Variants in IL7 observed in about 807,000 individuals in gnomAD.
IL7 encodes interleukin 7.
IL7 carries 3 observed loss-of-function variants against 21.6 expected under a neutral mutation model. The ratio of observed to expected loss-of-function variants is 0.14; its 90% CI spans 0.06 to 0.36. IL7 has a LOEUF of 0.36. IL7 is among the 10% of genes least tolerant of loss of function. The pLI is 1.00. For missense variants in IL7, 175 were observed against 200.2 expected (o/e 0.87, Z 0.76); for synonymous variants, 62 against 68.1 (o/e 0.91, Z 0.44).
chr8:78,686,146 A>C lies in IL7; in HGVS notation n.215-199T>G, dbSNP rs147615466. Among the ~76,000 whole-genome samples, 118 of 152,296 alleles carry C rather than the reference A, an allele frequency of 7.7e-4. 1 individual carries two copies. The highest frequency in any genetic ancestry group is 2.7e-3 in the African/African-American group (114 of 41,572). On this transcript the variant is annotated intron_variant and non_coding_transcript_variant, in intron 3 of 4. Coordinates refer to the IL7 transcript ENST00000523959. ...CACCTCGTACTACTGTTATAATGGC[A>C]ATTACATTTTAACATGAGTTTTGGA...
At chr8:78,760,389 A>G in intron 2 of IL7, 1 of 1,608,148 alleles carries the variant, frequency 6.2e-7, no homozygotes, top group Non-Finnish European at 8.5e-7. Flanking sequence ...ACCTTCAGCA[A>G]TGCATACACA....
chr8:78,704,527 A>ACAT, intron 3 of IL7, among the ~76,000 whole-genome samples: 1 of 152,140 alleles, frequency 6.6e-6, no homozygotes, highest in East Asian at 1.9e-4. Context: ...GCTGCCTTTA[A>ACAT]CATTTCTTCT....
At chr8:78,721,368 A>G (rs887909285) in exon 4 of IL7, 2 of 152,080 alleles carry the variant, frequency 1.3e-5, no homozygotes, top group Admixed American at 6.6e-5. Flanking sequence ...AGAAAGGACA[A>G]TTTGCAGTGG....
intron 4 of IL7, among the ~76,000 whole-genome samples, chr8:78,681,294 A>G (rs1809768863): frequency 6.6e-6 from 1 of 152,196 alleles, no homozygotes; most frequent in Admixed American, 6.5e-5. Flanking sequence ...AGAAGCGATG[A>G]ATAATAGAAA....
chr8:78,697,288 C>A, intron 3 of IL7: 1 of 770,568 alleles, frequency 1.3e-6, no homozygotes, highest in Non-Finnish European at 2.0e-6. Flanking sequence ...ATTTCCACAA[C>A]TCTTTTCATC....
intron 2 of IL7, among the ~76,000 whole-genome samples, chr8:78,776,042 T>C (rs1389473152): frequency 6.6e-6 from 1 of 152,006 alleles, no homozygotes; most frequent in Non-Finnish European, 1.5e-5. Flanking sequence ...TTTCTTCCTA[T>C]GCATACATAC....
At chr8:78,801,516 G>A (rs867582420) in intron 1 of IL7, among the ~76,000 whole-genome samples, 13 of 151,864 alleles carry the variant, frequency 8.6e-5, no homozygotes, top group East Asian at 1.9e-4. Flanking sequence ...TGATCTTACC[G>A]TGAGCCATGG....
chr8:78,762,160 G>T, intron 2 of IL7: 2 of 1,594,388 alleles, frequency 1.3e-6, no homozygotes, highest in Non-Finnish European at 1.7e-6. Context: ...TCAAATGACT[G>T]TTAAGATCAA....
chr8:78,739,517 C>A (rs1811707452), intron 3 of IL7, among the ~76,000 whole-genome samples: 2 of 152,006 alleles, frequency 1.3e-5, no homozygotes, highest in Admixed American at 6.6e-5. Context: ...CATGGTGAAA[C>A]CCCGTCTCCA....
chr8:78,712,389 GT>G (rs966995753), intron 3 of IL7, among the ~76,000 whole-genome samples: 20 of 151,772 alleles, frequency 1.3e-4, no homozygotes, highest in Non-Finnish European at 2.1e-4. Context: ...TTTTTATGAA[GT>G]TTTTTTTAGT....
At chr8:78,727,064 A>G (rs1811351879) in intron 3 of IL7, among the ~76,000 whole-genome samples, 1 of 151,986 alleles carries the variant, frequency 6.6e-6, no homozygotes, top group East Asian at 1.9e-4. Flanking sequence ...GAAAACTCCA[A>G]GGACTGGTAC....
At chr8:78,740,120 A>G (rs778590327) in intron 2 of IL7, 38 bp from the exon 3 acceptor site, 4 of 1,185,324 alleles carry the variant, frequency 3.4e-6, no homozygotes, top group Non-Finnish European at 4.5e-6. Context: ...GTTAAAACTG[A>G]GTACTTTTCT....
At chr8:78,719,304 G>T (rs1811193278) in intron 5 of IL7, 1 of 151,564 alleles carries the variant, frequency 6.6e-6, no homozygotes, top group Non-Finnish European at 1.5e-5. Context: ...GCACACATTT[G>T]TTTCTCACTG....
intron 1 of IL7, among the ~76,000 whole-genome samples, chr8:78,803,521 A>G (rs530236698): frequency 6.6e-6 from 1 of 152,288 alleles, no homozygotes; most frequent in Admixed American, 6.5e-5. Context: ...TATAATCATT[A>G]TTATTAGAAT....
chr8:78,785,153 T>C (rs573382107), intron 2 of IL7, among the ~76,000 whole-genome samples: 17 of 152,254 alleles, frequency 1.1e-4, no homozygotes, highest in Admixed American at 7.2e-4. Context: ...TTTTCCAAGA[T>C]ATAACTTAGT....
chr8:78,715,510 T>G (rs1468326862), downstream of IL7, among the ~76,000 whole-genome samples: 1 of 152,182 alleles, frequency 6.6e-6, no homozygotes, highest in Non-Finnish European at 1.5e-5. Context: ...AAACCTTCTG[T>G]AAAGGATTAA....
At chr8:78,697,326 G>T in intron 3 of IL7, 1 of 1,144,968 alleles carries the variant, frequency 8.7e-7, no homozygotes, top group Non-Finnish European at 1.2e-6. Context: ...TAAACCCAAA[G>T]AATGTTAAGT....
intron 2 of IL7, among the ~76,000 whole-genome samples, chr8:78,795,897 C>T (rs1404613988): frequency 6.6e-6 from 1 of 151,924 alleles, no homozygotes; most frequent in Non-Finnish European, 1.5e-5. Context: ...TTCCATATTC[C>T]TACAAGAGGT....
At chr8:78,760,081 T>C in intron 2 of IL7, 1 of 1,454,104 alleles carries the variant, frequency 6.9e-7, no homozygotes, top group East Asian at 2.4e-5. Context: ...GTGGCCTACA[T>C]ACACCTTACG....
Sources: allele counts gnomAD v4.1 joint callset (sites outside exome capture counted in the v4.1 genomes callset), GRCh38; gene constraint gnomAD v4.1.1; transcripts MANE v1.5; gene names NCBI Gene and HGNC (gene_info 2026-07-23, HGNC 2026-07-21).